Variants in SNRPG observed in about 807,000 individuals in gnomAD.
SNRPG encodes the protein small nuclear ribonucleoprotein polypeptide G, also known as small nuclear ribonucleoprotein G.
SNRPG carries 3 observed loss-of-function variants against 13.9 expected under a neutral mutation model. The ratio of observed to expected loss-of-function variants is 0.22; its 90% CI spans 0.10 to 0.56. The LOEUF (loss-of-function observed/expected upper bound fraction) is 0.56, where lower values mean the gene tolerates loss of function less well. Among genes scored for constraint, SNRPG ranks in the 20% least tolerant of loss-of-function variants. SNRPG has a pLI of 0.93. For missense variants in SNRPG, 34 were observed against 96.1 expected, an observed-to-expected ratio of 0.35 and a Z score of 2.70; for synonymous variants, 29 against 29.3, an observed-to-expected ratio of 0.99 and a Z score of 0.03.
Position 70,286,642 on chromosome 2 carries a change from T to G in SNRPG, c.180+1426A>C, listed in dbSNP as rs369308472. ...TTAAATGACTTGGGATGGCAGTGCT[T>G]TCAACCAATTTCTGTGCAAAGAAAA... is the stretch of plus-strand genomic sequence containing the variant. On this transcript the variant is annotated intron_variant, in intron 3 of 3. Transcript: ENST00000272348. Among the ~76,000 whole-genome samples the G allele has an allele frequency of 1.6e-4, 24 of 152,254 alleles. No homozygotes were observed. The East Asian group carries it at 3.3e-3, about 21-fold the overall frequency.
In SNRPG at chr2:70,293,682, G is replaced by C. The variant is rs973600434; in HGVS notation, c.-33C>G. Reference sequence around the variant, plus strand: ...ACTCCGCGGGCTCACAGATGCCTTGGAACGCAACGCACGGCTTTCCTCACG... The same window carrying C: ...ACTCCGCGGGCTCACAGATGCCTTGCAACGCAACGCACGGCTTTCCTCACG... On this transcript the variant is annotated 5_prime_UTR_variant, in exon 1 of 4. Transcript: ENST00000272348. 6.2e-7 allele frequency: 1 copy of C among 1,610,000 alleles called. No individual in the cohort carries two copies. The highest frequency in any genetic ancestry group is 8.5e-7 in the Non-Finnish European group (1 of 1,176,280).
At chr2:70,284,967 G>C (rs1255226169) in intron 3 of SNRPG, among the ~76,000 whole-genome samples, 2 of 152,150 alleles carry the variant, frequency 1.3e-5, no homozygotes, top group Non-Finnish European at 1.5e-5. Flanking sequence ...TACTGTCCCT[G>C]GATGTGGATT....
intron 1 of SNRPG, chr2:70,293,389 T>C: frequency 1.6e-6 from 1 of 629,052 alleles, no homozygotes; most frequent in Non-Finnish European, 2.9e-6. Context: ...TGGAGACTAG[T>C]CGGCCGGAAG....
chr2:70,284,309 G>C (rs977973082), intron 3 of SNRPG, among the ~76,000 whole-genome samples: 5 of 152,132 alleles, frequency 3.3e-5, no homozygotes, highest in African/African-American at 1.2e-4. Flanking sequence ...TGGGACTATA[G>C]GCGCACATCA....
intron 3 of SNRPG, among the ~76,000 whole-genome samples, chr2:70,281,981 G>A (rs888209146): frequency 1.3e-5 from 2 of 152,094 alleles, no homozygotes; most frequent in South Asian, 2.1e-4. Flanking sequence ...GTGTAGTGGC[G>A]CAATCTCGGC....
chr2:70,283,036 G>A (rs527869669), intron 3 of SNRPG, among the ~76,000 whole-genome samples: 4 of 131,822 alleles, frequency 3.0e-5, no homozygotes, highest in African/African-American at 1.1e-4. Flanking sequence ...CGGAGGTTGC[G>A]GTAAGCCAAG....
rs1379106922 is a variant in SNRPG at position 70,290,460 on chromosome 2, GTCAAA to G, written c.33-1093_33-1089del. 5.3e-5 allele frequency among the ~76,000 whole-genome samples: 8 copies of G among 151,384 alleles called. No individual in the cohort carries two copies. In the East Asian group the frequency reaches 1.5e-3, roughly 29 times the overall value. ...GTGGAATACGAGATTAAGCCATGCA[GTCAAA>G]TCAGTTTTTAATTTCTTCCATATAG... On this transcript the variant is annotated intron_variant, in intron 1 of 3. Coordinates refer to ENST00000272348, the MANE Select transcript of SNRPG (RefSeq NM_003096.4).
intron 3 of SNRPG, among the ~76,000 whole-genome samples, chr2:70,283,662 T>A (rs1044878384): frequency 6.6e-6 from 1 of 152,304 alleles, no homozygotes; most frequent in South Asian, 2.1e-4. Context: ...ATGTGATTAC[T>A]GCAGCTGACA....
chr2:70,292,735 C>G (rs1045879067), intron 1 of SNRPG: 1 of 177,240 alleles, frequency 5.6e-6, no homozygotes, highest in African/African-American at 2.4e-5. Flanking sequence ...AAGCCAACCA[C>G]ATGCTACGCC....
intron 3 of SNRPG, among the ~76,000 whole-genome samples, chr2:70,286,243 G>A (rs1288854334): frequency 6.6e-6 from 1 of 152,092 alleles, no homozygotes; most frequent in Non-Finnish European, 1.5e-5. Context: ...ACACATAACT[G>A]CAATAAAACA....
chr2:70,281,496 A>T lies in SNRPG; in HGVS notation c.*138T>A. The T allele has an allele frequency of 6.3e-6, 3 of 474,114 alleles. No homozygotes were observed. The highest frequency in any genetic ancestry group is 1.1e-5 in the Non-Finnish European group (3 of 261,140). 29.4% of individuals were successfully genotyped at this position (474,114 alleles called of 1,614,324 possible). On this transcript the variant is annotated 3_prime_UTR_variant, in exon 4 of 4. Coordinates refer to ENST00000272348, the MANE Select transcript of SNRPG (RefSeq NM_003096.4). ...TGATATTCTATATTCAGAACATCTG[A>T]GAAAGCATTTTTGACTATTACAAAA...
chr2:70,293,416 C>A, intron 1 of SNRPG: 1 of 642,862 alleles, frequency 1.6e-6, no homozygotes, highest in East Asian at 2.7e-5. Flanking sequence ...CCGTGGCTGC[C>A]GGCTGTAACC....
intron 3 of SNRPG, among the ~76,000 whole-genome samples, chr2:70,283,737 GAGT>G (rs1696872326): frequency 6.6e-6 from 1 of 152,184 alleles, no homozygotes; most frequent in Non-Finnish European, 1.5e-5. Context: ...TATCAGCAAT[GAGT>G]ATGATAAGGT....
In SNRPG at chr2:70,281,691, A is replaced by G. The variant is rs372729562; in HGVS notation, c.181-7T>C. ...TACTATTTCCTCGTATTACCTAAGA[A>G]AGAGAAAAATAAATTTGAAAAGAAC... On this transcript the variant is annotated splice_polypyrimidine_tract_variant and splice_region_variant and intron_variant, in intron 3 of 3. Transcript: ENST00000272348. 2.6e-4 allele frequency: 397 copies of G among 1,498,946 alleles called. 1 individual carries two copies. The highest frequency in any genetic ancestry group is 3.6e-4 in the Non-Finnish European group (391 of 1,081,940). The allele number at this position is 1,498,946 out of a possible 1,614,324, so 92.9% of individuals were successfully genotyped here. A position where few individuals can be genotyped will look rare whatever the true frequency, so the allele number is the denominator to read the frequency against.
chr2:70,289,977 C>T (rs1015812860), intron 1 of SNRPG, among the ~76,000 whole-genome samples: 15 of 150,324 alleles, frequency 1.0e-4, no homozygotes, highest in Non-Finnish European at 2.1e-4. Context: ...TTCAATACTA[C>T]GTTGTTTCAT....
At chr2:70,291,725 G>A (rs996081509) in intron 1 of SNRPG, among the ~76,000 whole-genome samples, 1 of 151,988 alleles carries the variant, frequency 6.6e-6, no homozygotes, top group African/African-American at 2.4e-5. Flanking sequence ...AACCTACGAG[G>A]AAGAGAAAGG....
At chr2:70,285,670 T>C (rs1236510729) in intron 3 of SNRPG, among the ~76,000 whole-genome samples, 10 of 152,140 alleles carry the variant, frequency 6.6e-5, no homozygotes, top group Middle Eastern at 3.2e-3. Flanking sequence ...AGGAGGCCTA[T>C]TGTAGTGCTC....
intron 1 of SNRPG, among the ~76,000 whole-genome samples, chr2:70,290,086 TC>T (rs1403000188): frequency 6.7e-6 from 1 of 149,978 alleles, no homozygotes; most frequent in Non-Finnish European, 1.5e-5. Flanking sequence ...AAAAATATAC[TC>T]CCCCTCAGCC....
chr2:70,285,302 G>T (rs543776069), intron 3 of SNRPG, among the ~76,000 whole-genome samples: 1 of 152,106 alleles, frequency 6.6e-6, no homozygotes, highest in African/African-American at 2.4e-5. Flanking sequence ...GGCCAGGCGC[G>T]GTGGCTCACG....
Sources: gnomAD v4.1 joint callset for allele counts (sites outside exome capture counted in the v4.1 genomes callset) on GRCh38, gnomAD v4.1.1 for gene constraint, MANE v1.5 for transcripts, NCBI Gene and HGNC (gene_info 2026-07-23, HGNC 2026-07-21) for gene names.